The following AQP7B variants were observed in gnomAD, a reference collection of about 807,000 sequenced individuals.
The protein encoded by AQP7B is putative aquaporin-7B.
the AQP7B span, among the ~76,000 whole-genome samples, chr2:94,595,976 T>A: frequency 0.058 from 8,834 of 151,960 alleles, 368 homozygotes; most frequent in African/African-American, 0.12. Flanking sequence ...GAGAAAAGGA[T>A]GGTTTGAGGA....
At chr2:94,595,969 A>G in the AQP7B span, among the ~76,000 whole-genome samples, 1 of 152,170 alleles carries the variant, frequency 6.6e-6, no homozygotes, top group Non-Finnish European at 1.5e-5. Context: ...ACAGAAAGAG[A>G]AAAGGATGGT....
At chr2:94,602,091 T>A in the AQP7B span, among the ~76,000 whole-genome samples, 1 of 150,502 alleles carries the variant, frequency 6.6e-6, no homozygotes, top group Non-Finnish European at 1.5e-5. Flanking sequence ...TGTGGATGGA[T>A]TTGGAGGTCC....
At chr2:94,593,354 C>A in the AQP7B span, among the ~76,000 whole-genome samples, 1 of 151,644 alleles carries the variant, frequency 6.6e-6, no homozygotes, top group Admixed American at 6.6e-5. Context: ...TAAGGCAGTA[C>A]GTGATGTGCA....
chr2:94,603,338 G>A, the AQP7B span: 1 of 1,563,260 alleles, frequency 6.4e-7, no homozygotes, highest in Non-Finnish European at 8.8e-7. Context: ...ACCCCAGTGG[G>A]GCTTAGTTGG....
the AQP7B span, chr2:94,604,475 A>G: frequency 1.9e-6 from 3 of 1,610,716 alleles, no homozygotes; most frequent in Non-Finnish European, 1.7e-6. Context: ...TGAACCCATG[A>G]TCTCTCCCCT....
the AQP7B span, among the ~76,000 whole-genome samples, chr2:94,600,864 G>A: frequency 9.6e-4 from 141 of 146,864 alleles, no homozygotes; most frequent in Non-Finnish European, 1.6e-3. Flanking sequence ...GGGCAACAGA[G>A]CAAGACTGTC....
the AQP7B span, among the ~76,000 whole-genome samples, chr2:94,587,751 T>C: frequency 1.3e-5 from 2 of 152,032 alleles, no homozygotes; most frequent in African/African-American, 4.8e-5. Flanking sequence ...CCACCAGCAG[T>C]GGACCACAGG....
chr2:94,602,243 C>T, the AQP7B span, among the ~76,000 whole-genome samples: 2 of 151,912 alleles, frequency 1.3e-5, no homozygotes. Context: ...GGATGTTTGT[C>T]GTAAGAGCTT....
chr2:94,600,159 C>G, the AQP7B span, among the ~76,000 whole-genome samples: 1 of 152,022 alleles, frequency 6.6e-6, no homozygotes, highest in African/African-American at 2.4e-5. Flanking sequence ...CATGAGCCAC[C>G]GCACCCAGCC....
At chr2:94,600,726 A>G in the AQP7B span, among the ~76,000 whole-genome samples, 19 of 152,212 alleles carry the variant, frequency 1.2e-4, no homozygotes, top group East Asian at 3.7e-3. Flanking sequence ...AAAAATACAA[A>G]AAAATAGTTG....
chr2:94,594,980 C>T, the AQP7B span: 4 of 629,386 alleles, frequency 6.4e-6, no homozygotes, highest in East Asian at 3.0e-5. Flanking sequence ...TGCCTCTGAG[C>T]TGGGAGCCTG....
At chr2:94,593,477 CCT>C in the AQP7B span, among the ~76,000 whole-genome samples, 2 of 146,160 alleles carry the variant, frequency 1.4e-5, no homozygotes, top group Non-Finnish European at 3.0e-5. Context: ...CCCTCCTCTT[CCT>C]CTTTTTTTTT....
At chr2:94,588,299 G>A in the AQP7B span, among the ~76,000 whole-genome samples, 2 of 151,976 alleles carry the variant, frequency 1.3e-5, no homozygotes, top group Non-Finnish European at 2.9e-5. Context: ...CCTGGGGCCA[G>A]CATGGGTGGG....
At chr2:94,589,761 A>C in the AQP7B span, among the ~76,000 whole-genome samples, 2 of 151,806 alleles carry the variant, frequency 1.3e-5, no homozygotes, top group Non-Finnish European at 2.9e-5. Context: ...TCCTAGATGG[A>C]AACAGCCTCC....
chr2:94,588,313 G>A, the AQP7B span, among the ~76,000 whole-genome samples: 37 of 151,752 alleles, frequency 2.4e-4, no homozygotes, highest in African/African-American at 8.5e-4. Flanking sequence ...GGGTGGGGTG[G>A]GGCTCCAGGA....
chr2:94,595,795 C>T, the AQP7B span, among the ~76,000 whole-genome samples: 1 of 152,048 alleles, frequency 6.6e-6, no homozygotes, highest in Non-Finnish European at 1.5e-5. Flanking sequence ...TTCTGGAGCA[C>T]GGGGCCCAGC....
At chr2:94,588,958 C>A in the AQP7B span, among the ~76,000 whole-genome samples, 1 of 151,160 alleles carries the variant, frequency 6.6e-6, no homozygotes, top group Non-Finnish European at 1.5e-5. Context: ...TCCAGCCACA[C>A]TGAGTTTCTT....
At chr2:94,599,173 G>A in the AQP7B span, among the ~76,000 whole-genome samples, 1 of 152,068 alleles carries the variant, frequency 6.6e-6, no homozygotes, top group Non-Finnish European at 1.5e-5. Context: ...TCTGTTTTCA[G>A]ACCCTCCATG....
the AQP7B span, chr2:94,604,176 C>T: frequency 2.6e-6 from 3 of 1,159,950 alleles, no homozygotes; most frequent in South Asian, 4.5e-5. Flanking sequence ...GGGGGTGTTT[C>T]CTGGGGTAGC....
Sources: gnomAD v4.1 joint callset for allele counts (sites outside exome capture counted in the v4.1 genomes callset) on GRCh38, gnomAD v4.1.1 for gene constraint, MANE v1.5 for transcripts, NCBI Gene and HGNC (gene_info 2026-07-23, HGNC 2026-07-21) for gene names.